Variants in PTPN4 observed in about 807,000 individuals in gnomAD.
PTPN4 encodes tyrosine-protein phosphatase non-receptor type 4.
In PTPN4, 49 loss-of-function variants were observed where a neutral mutation model predicts 135.5. The ratio of observed to expected loss-of-function variants is 0.36; its 90% CI spans 0.29 to 0.46. The LOEUF is 0.46. Ranked by LOEUF, PTPN4 falls within the 20% of genes least tolerant of loss-of-function variation. The probability of loss-of-function intolerance (pLI) is 1.00; values close to 1 mark genes in which losing one functional copy is unlikely to be tolerated. For synonymous variants in PTPN4, 333 were observed against 369.9 expected (o/e 0.90, Z 1.14); for missense variants, 860 against 1,101.0 (o/e 0.78, Z 3.10).
Position 119,972,672 on chromosome 2 carries a change from T to C in PTPN4, c.2695-4312T>C, listed in dbSNP as rs561596540. Among the ~76,000 whole-genome samples, 4 of 152,252 alleles carry C rather than the reference T, an allele frequency of 2.6e-5. No homozygotes were observed. The South Asian group carries it at 8.3e-4, about 32-fold the overall frequency. ...GGGACAGTTTTTAGATTTTCACTAA[T>C]TATCATATTAGCCATGGATTGTTTA... On this transcript the variant is annotated intron_variant, in intron 26 of 26. Transcript: ENST00000263708.
intron 9 of PTPN4, among the ~76,000 whole-genome samples, chr2:119,898,031 A>G (rs1227910526): frequency 1.3e-5 from 2 of 152,262 alleles, no homozygotes; most frequent in Non-Finnish European, 2.9e-5. Context: ...GCAGTCTGAC[A>G]TAAAGCATGT....
At chr2:119,842,484 T>C (rs1199559103) in intron 2 of PTPN4, among the ~76,000 whole-genome samples, 2 of 152,180 alleles carry the variant, frequency 1.3e-5, no homozygotes, top group Non-Finnish European at 2.9e-5. Context: ...TATTAACTCA[T>C]GGCCAACCGT....
At chr2:119,817,502 T>C (rs940711554) in intron 2 of PTPN4, among the ~76,000 whole-genome samples, 1 of 152,174 alleles carries the variant, frequency 6.6e-6, no homozygotes, top group Admixed American at 6.5e-5. Flanking sequence ...CTGGGCTTTC[T>C]GTTCTGTTCC....
intron 13 of PTPN4, among the ~76,000 whole-genome samples, chr2:119,928,602 T>C (rs1479423591): frequency 6.6e-6 from 1 of 152,172 alleles, no homozygotes; most frequent in Admixed American, 6.5e-5. Flanking sequence ...CCTGTGATAA[T>C]GGAAAATCTT....
At chr2:119,826,598 C>T (rs558134933) in intron 2 of PTPN4, among the ~76,000 whole-genome samples, 55 of 152,276 alleles carry the variant, frequency 3.6e-4, no homozygotes, top group Middle Eastern at 3.4e-3. Flanking sequence ...AACTTCCTTA[C>T]AATACACAGT....
At position 119,926,530 on chromosome 2, in the gene PTPN4, T is replaced by C. The variant is rs999831484; in HGVS notation, c.1002-68T>C. On this transcript the variant is annotated intron_variant, in intron 12 of 26. Coordinates refer to ENST00000263708, the MANE Select transcript of PTPN4 (RefSeq NM_002830.4). The stretch of plus-strand genomic sequence containing the variant: ...CTTAGGAAGTTACACTATAATCATG[T>C]TATGTGTTGTCATTTTATCTTATAG... 5 of 1,086,748 alleles carry C rather than the reference T, an allele frequency of 4.6e-6. No homozygotes were observed. The African/African-American group carries it at 6.3e-5, about 14-fold the overall frequency. The allele number at this position is 1,086,748 out of a possible 1,614,324, so 67.3% of individuals were successfully genotyped here. A position where few individuals can be genotyped will look rare whatever the true frequency, so the allele number is the denominator to read the frequency against.
intron 20 of PTPN4, among the ~76,000 whole-genome samples, chr2:119,956,589 C>T (rs114866264): frequency 0.021 from 3,165 of 152,312 alleles, 60 homozygotes; most frequent in Non-Finnish European, 0.033. Flanking sequence ...TTCAGGTGCT[C>T]CTGCTGTAAG....
chr2:119,965,542 C>T lies in PTPN4; in HGVS notation c.2455C>T (p.Pro819Ser). ...CACTCAGATCCAGTACATAGCCTGG[C>T]CTGACCATGGAGTCCCTGATGATTC... ...PLTQIQYIAW[P>S]DHGVPDDSSD... Residue 819 changes from proline to serine, a missense_variant, in exon 25 of 27, where the codon CCT (proline) becomes TCT (serine). This residue lies in a region of PTPN4 where 176 missense variants were observed against 294.1 expected (regional missense o/e 0.60). Transcript: ENST00000263708. The T allele has an allele frequency of 6.2e-7, 1 of 1,613,518 alleles. No homozygotes were observed. Among genetic ancestry groups the T allele is most frequent in the Non-Finnish European group, 8.5e-7 (1 of 1,179,446 alleles).
intron 26 of PTPN4, among the ~76,000 whole-genome samples, chr2:119,970,672 GTA>G (rs1679519172): frequency 6.6e-6 from 1 of 152,094 alleles, no homozygotes; most frequent in Admixed American, 6.5e-5. Flanking sequence ...ATTTCATTGT[GTA>G]TATTTTTACC....
At chr2:119,788,928 T>TTTAGG (rs1384020079) in intron 1 of PTPN4, among the ~76,000 whole-genome samples, 12 of 152,338 alleles carry the variant, frequency 7.9e-5, no homozygotes, top group Admixed American at 3.9e-4. Flanking sequence ...ATTTTGGGTA[T>TTTAGG]ATAAGCAGAA....
chr2:119,874,024 T>C (rs1677951224), intron 3 of PTPN4, among the ~76,000 whole-genome samples: 1 of 152,198 alleles, frequency 6.6e-6, no homozygotes, highest in African/African-American at 2.4e-5. Context: ...AGCAACATTA[T>C]TCATAATAAC....
At chr2:119,902,111 A>G (rs1007607751) in intron 10 of PTPN4, among the ~76,000 whole-genome samples, 1 of 152,234 alleles carries the variant, frequency 6.6e-6, no homozygotes, top group African/African-American at 2.4e-5. Flanking sequence ...AAATAACCCA[A>G]AAATCCACAC....
chr2:119,812,847 A>G (rs1038340338), intron 2 of PTPN4, among the ~76,000 whole-genome samples: 3 of 152,220 alleles, frequency 2.0e-5, no homozygotes, highest in Non-Finnish European at 2.9e-5. Context: ...GATGTCTTCA[A>G]TCTATGAGGA....
At chr2:119,930,551 T>C (rs1678889537) in intron 13 of PTPN4, among the ~76,000 whole-genome samples, 1 of 152,156 alleles carries the variant, frequency 6.6e-6, no homozygotes, top group African/African-American at 2.4e-5. Context: ...GTCTGTCTAA[T>C]AGGAAGCCAC....
At chr2:119,945,883 A>C (rs1031244203) in intron 16 of PTPN4, among the ~76,000 whole-genome samples, 1 of 152,160 alleles carries the variant, frequency 6.6e-6, no homozygotes, top group Non-Finnish European at 1.5e-5. Context: ...CAAGAGTAAA[A>C]ATTATGGAAA....
At chr2:119,971,757 C>T (rs1323561542) in intron 26 of PTPN4, among the ~76,000 whole-genome samples, 1 of 152,220 alleles carries the variant, frequency 6.6e-6, no homozygotes, top group Non-Finnish European at 1.5e-5. Flanking sequence ...ATAAATGAGT[C>T]TACAAGTTTT....
At chr2:119,837,792 C>T (rs529482858) in intron 2 of PTPN4, among the ~76,000 whole-genome samples, 2 of 152,364 alleles carry the variant, frequency 1.3e-5, no homozygotes, top group African/African-American at 4.8e-5. Flanking sequence ...CCAGGCACCA[C>T]CGTGTTCCCC....
At position 119,809,969 on chromosome 2, in the gene PTPN4, C is replaced by G. The variant is rs1247625783; in HGVS notation, c.116C>G (p.Thr39Ser). Residue 39 changes from threonine to serine, a missense_variant, in exon 2 of 27, where the codon ACT becomes AGT. Coordinates refer to ENST00000263708, the MANE Select transcript of PTPN4 (RefSeq NM_002830.4). ...VVCNILLLDN[T>S]VQAFKVNKHD... ...TGCAACATCCTTCTTCTGGATAACA[C>G]TGTACAAGCTTTCAAAGTCAATGTA... The G allele has an allele frequency of 3.7e-6, 6 of 1,608,364 alleles. No homozygotes were observed. The highest frequency in any genetic ancestry group is 3.4e-6 in the Non-Finnish European group (4 of 1,178,456).
At chr2:119,869,836 A>G (rs779156076) in intron 3 of PTPN4, among the ~76,000 whole-genome samples, 15 of 152,332 alleles carry the variant, frequency 9.8e-5, no homozygotes, top group African/African-American at 3.4e-4. Flanking sequence ...TTTTTAAAAG[A>G]TCGAATGTTG....
Sources: gnomAD v4.1 joint callset for allele counts (sites outside exome capture counted in the v4.1 genomes callset) on GRCh38, gnomAD v4.1.1 for gene constraint, gnomAD v4.1.1 regional missense constraint, MANE v1.5 for transcripts, NCBI Gene and HGNC (gene_info 2026-07-23, HGNC 2026-07-21) for gene names.